SBF2: variants seen among roughly 807,000 people sequenced by gnomAD.
SBF2 encodes the protein SET binding factor 2, also known as myotubularin-related protein 13.
A neutral mutation model predicts 225.2 loss-of-function variants in SBF2; 112 were observed. The ratio of observed to expected loss-of-function variants is 0.50; its 90% CI spans 0.43 to 0.58. The LOEUF is 0.58. Among genes scored for constraint, SBF2 ranks in the 20% least tolerant of loss-of-function variants. The pLI is 0.00. For synonymous variants in SBF2, 763 were observed against 773.3 expected (o/e 0.99, Z 0.22); for missense variants, 1,996 against 2,206.2 (o/e 0.90, Z 1.91).
intron 25 of SBF2, among the ~76,000 whole-genome samples, chr11:9,841,532 T>G (rs1198968037): frequency 1.7e-5 from 1 of 58,458 alleles, no homozygotes; most frequent in East Asian, 2.2e-4. Context: ...ACCACATAGG[T>G]TCTTTTTTTT....
chr11:10,266,153 C>G (rs1961964508), intron 1 of SBF2, among the ~76,000 whole-genome samples: 1 of 152,150 alleles, frequency 6.6e-6, no homozygotes, highest in Admixed American at 6.5e-5. Context: ...AGAGGATAAA[C>G]TCAGCTCTGT....
At chr11:9,890,062 C>A (rs1280673395) in intron 17 of SBF2, among the ~76,000 whole-genome samples, 1 of 152,088 alleles carries the variant, frequency 6.6e-6, no homozygotes, top group Non-Finnish European at 1.5e-5. Context: ...TGCCACCATG[C>A]CCAGCTAATT....
At chr11:10,063,344 AT>A (rs56370013) in intron 2 of SBF2, among the ~76,000 whole-genome samples, 1 of 118,824 alleles carries the variant, frequency 8.4e-6, no homozygotes, top group Non-Finnish European at 1.8e-5. Context: ...ATATATATAT[AT>A]TTTTTTAATT....
chr11:9,929,771 G>A (rs543290150), intron 16 of SBF2, among the ~76,000 whole-genome samples: 7 of 152,102 alleles, frequency 4.6e-5, no homozygotes, highest in Non-Finnish European at 7.4e-5. Flanking sequence ...CTTTTTGCAG[G>A]GAAAATGCTT....
chr11:9,825,947 T>C (rs1855036860), intron 28 of SBF2, among the ~76,000 whole-genome samples: 1 of 152,244 alleles, frequency 6.6e-6, no homozygotes, highest in Non-Finnish European at 1.5e-5. Flanking sequence ...ATTATTTTGC[T>C]GTAGGTCTTT....
chr11:10,190,358 T>C (rs1957116057), intron 2 of SBF2, among the ~76,000 whole-genome samples: 1 of 152,218 alleles, frequency 6.6e-6, no homozygotes, highest in Non-Finnish European at 1.5e-5. Flanking sequence ...TGACTGTCTG[T>C]GGTTTTCGTG....
At chr11:10,061,564 A>C (rs1950447776) in intron 2 of SBF2, among the ~76,000 whole-genome samples, 1 of 152,200 alleles carries the variant, frequency 6.6e-6, no homozygotes, top group Admixed American at 6.5e-5. Context: ...ACCGAGAGCC[A>C]AATCAGAAAG....
At chr11:10,193,250 A>T (rs74598613) in intron 2 of SBF2, among the ~76,000 whole-genome samples, 2,703 of 150,716 alleles carry the variant, frequency 0.018, 38 homozygotes, top group African/African-American at 0.029. Context: ...GGAAAAAAAA[A>T]ATATATATAT....
chr11:10,094,527 G>GTTTTTTTTTTTT (rs1565222159), intron 2 of SBF2, among the ~76,000 whole-genome samples: 2 of 71,642 alleles, frequency 2.8e-5, no homozygotes, highest in Non-Finnish European at 6.7e-5. Context: ...AATACACACA[G>GTTTTTTTTTTTT]ATTTTTTTTT....
At chr11:9,847,513 T>A (rs1429539834) in intron 22 of SBF2, among the ~76,000 whole-genome samples, 4 of 80,284 alleles carry the variant, frequency 5.0e-5, no homozygotes, top group African/African-American at 8.7e-5. Context: ...GGAAGGGAGG[T>A]TTTACAAAAA....
chr11:9,919,489 T>G (rs1193070612), intron 16 of SBF2, among the ~76,000 whole-genome samples: 1 of 151,874 alleles, frequency 6.6e-6, no homozygotes, highest in African/African-American at 2.4e-5. Context: ...CTCACAACTC[T>G]AAGGGGGTGT....
At chr11:9,958,681 A>C in intron 16 of SBF2, 1 of 315,484 alleles carries the variant, frequency 3.2e-6, no homozygotes, top group South Asian at 3.2e-5. Flanking sequence ...GGGAGAGGGG[A>C]AGAGTTGGAG....
intron 2 of SBF2, among the ~76,000 whole-genome samples, chr11:10,129,113 T>C (rs1321808179): frequency 6.9e-6 from 1 of 145,380 alleles, no homozygotes; most frequent in Non-Finnish European, 1.5e-5. Flanking sequence ...TTTTTTTTTT[T>C]TTTTTTTTTT....
rs573767915 is a variant in SBF2, at chr11:9,993,947, T to C, written c.1027A>G (p.Thr343Ala). ...AGCATTTTTGAGTGGGATAAAGCTG[T>C]TCGTGGAGGAGGAAAAGCATGATCT... is the stretch of plus-strand genomic sequence containing the variant. The part of the protein sequence containing the change: ...VADHAFPPPR[T>A]ALSHSKMLDK... The change falls in exon 10 of 40, where the codon ACA (threonine) becomes GCA (alanine). Residue 343 changes from threonine to alanine, a missense_variant. Coordinates refer to ENST00000256190, the MANE Select transcript of SBF2 (RefSeq NM_030962.4). 19 of 1,267,136 alleles carry C rather than the reference T, an allele frequency of 1.5e-5. No individual in the cohort carries two copies. In the Admixed American group the frequency reaches 3.0e-4, roughly 20 times the overall value. 78.5% of individuals were successfully genotyped at this position (1,267,136 alleles called of 1,614,324 possible).
rs755950037 is a variant in SBF2 at position 9,829,339 on chromosome 11, G to A, written c.3793+17C>T. 1.2e-5 allele frequency: 19 copies of A among 1,613,530 alleles called. No homozygotes were observed. The Admixed American group carries it at 2.0e-4, about 17-fold the overall frequency. The stretch of plus-strand genomic sequence containing the variant: ...TCATTAGAAGCTGTCAAGAAGAAAA[G>A]TATTATCAAATCTTACCTGGAGATA... On this transcript the variant is annotated intron_variant, in intron 28 of 39. Transcript: ENST00000256190.
At chr11:10,166,417 C>G (rs911362164) in intron 2 of SBF2, among the ~76,000 whole-genome samples, 16 of 152,022 alleles carry the variant, frequency 1.1e-4, no homozygotes, top group African/African-American at 3.6e-4. Flanking sequence ...TACCAGTCAG[C>G]CTTTTTATAC....
intron 17 of SBF2, among the ~76,000 whole-genome samples, chr11:9,861,989 T>C (rs914960181): frequency 2.6e-5 from 4 of 152,210 alleles, no homozygotes; most frequent in Non-Finnish European, 5.9e-5. Flanking sequence ...GCCTGTTTAC[T>C]AGGTGAGCAT....
chr11:10,290,913 T>TCTAAATGTCATTCTC (rs1343012771), intron 1 of SBF2, among the ~76,000 whole-genome samples: 1 of 152,138 alleles, frequency 6.6e-6, no homozygotes, highest in Non-Finnish European at 1.5e-5. Flanking sequence ...GATCTTAGCT[T>TCTAAATGTCATTCTC]CTAAATGTCA....
rs34611271 is a variant in SBF2 at position 9,989,423 on chromosome 11, G to A, written c.1395+74C>T. ...TCACTCACGTAACCACGTAACACCC[G>A]TACCCCAATAACTTACGGAAAAATA... On this transcript the variant is annotated intron_variant, in intron 13 of 39. Coordinates refer to ENST00000256190, the MANE Select transcript of SBF2 (RefSeq NM_030962.4). The A allele has an allele frequency of 7.2e-3, 6,950 of 959,470 alleles. 75 individuals are homozygous for A. The highest frequency in any genetic ancestry group is 0.039 in the African/African-American group (2,388 of 60,934). The allele number at this position is 959,470 out of a possible 1,614,324, so 59.4% of individuals were successfully genotyped here. A position where few individuals can be genotyped will look rare whatever the true frequency, so the allele number is the denominator to read the frequency against.
Sources: gnomAD v4.1 joint callset for allele counts (sites outside exome capture counted in the v4.1 genomes callset) on GRCh38, gnomAD v4.1.1 for gene constraint, MANE v1.5 for transcripts, NCBI Gene and HGNC (gene_info 2026-07-23, HGNC 2026-07-21) for gene names.